ZMYM1: variants seen among roughly 807,000 people sequenced by gnomAD.
ZMYM1 encodes zinc finger MYM-type protein 1.
ZMYM1 carries 39 observed loss-of-function variants against 60.0 expected under a neutral mutation model. The ratio of observed to expected loss-of-function variants is 0.65; its 90% CI spans 0.50 to 0.85. The LOEUF (loss-of-function observed/expected upper bound fraction) is 0.85, where lower values mean the gene tolerates loss of function less well. Ranked by LOEUF, ZMYM1 falls within the 40% of genes least tolerant of loss-of-function variation. The pLI, the probability that ZMYM1 is intolerant of heterozygous loss-of-function variation, is 0.00. For missense variants in ZMYM1, 1,171 were observed against 1,309.5 expected (o/e 0.89, Z 1.63); for synonymous variants, 413 against 454.0 (o/e 0.91, Z 1.15).
chr1:35,095,351 G>A (rs1012303541), intron 2 of ZMYM1, among the ~76,000 whole-genome samples: 2 of 151,724 alleles, frequency 1.3e-5, no homozygotes, highest in African/African-American at 4.8e-5. Context: ...AAAATTAGCC[G>A]GGCATGGAGG....
rs140708468 is a variant in ZMYM1, at chr1:35,087,835, G to T, written c.-74-6079G>T. Among the ~76,000 whole-genome samples the T allele has an allele frequency of 3.2e-3, 481 of 152,112 alleles. 6 individuals carry two copies. The highest frequency in any genetic ancestry group is 0.011 in the African/African-American group (448 of 41,540). On this transcript the variant is annotated intron_variant, in intron 1 of 9. Transcript: ENST00000359858. ...CCCAGCACTTTGGGAGGCTGAGGCC[G>T]GTGGATCATGAGGTCAGTAGTTCAA...
chr1:35,095,925 C>A, intron 3 of ZMYM1, 34 bp downstream of exon 3: 1 of 1,430,284 alleles, frequency 7.0e-7, no homozygotes, highest in South Asian at 1.2e-5. Context: ...TATGTTTATT[C>A]AGACCAATAC....
At chr1:35,072,142 A>G (rs1194490151) in intron 1 of ZMYM1, among the ~76,000 whole-genome samples, 1 of 152,192 alleles carries the variant, frequency 6.6e-6, no homozygotes, top group African/African-American at 2.4e-5. Context: ...GTCAAAAAAT[A>G]AAATAAAATA....
chr1:35,098,529 G>T (rs1201039248), intron 4 of ZMYM1, among the ~76,000 whole-genome samples: 6 of 152,146 alleles, frequency 3.9e-5, no homozygotes. Context: ...TTTGAATTTT[G>T]CTTCTTCTGT....
intron 1 of ZMYM1, among the ~76,000 whole-genome samples, chr1:35,066,291 G>A (rs1480068354): frequency 6.6e-6 from 1 of 152,188 alleles, no homozygotes; most frequent in Non-Finnish European, 1.5e-5. Flanking sequence ...TCCAACTCCT[G>A]GGTTCAAGCA....
chr1:35,081,854 C>A (rs991576955), intron 1 of ZMYM1, among the ~76,000 whole-genome samples: 2 of 152,096 alleles, frequency 1.3e-5, no homozygotes, highest in South Asian at 2.1e-4. Flanking sequence ...CACCACCATG[C>A]CCAGCTAATT....
chr1:35,110,254 A>G (rs773468774), intron 6 of ZMYM1, 40 bp from the exon 7 acceptor site: 5 of 1,365,270 alleles, frequency 3.7e-6, no homozygotes, highest in Admixed American at 5.6e-5. Context: ...ACAACATATC[A>G]TATACCAGGA....
chr1:35,096,318 A>G, intron 3 of ZMYM1, among the ~76,000 whole-genome samples: 1 of 151,284 alleles, frequency 6.6e-6, no homozygotes, highest in East Asian at 1.9e-4. Flanking sequence ...TCTAAAAAAA[A>G]AAAAAAAGAG....
intron 2 of ZMYM1, among the ~76,000 whole-genome samples, chr1:35,094,685 T>C (rs1465486124): frequency 1.3e-5 from 2 of 151,980 alleles, no homozygotes; most frequent in African/African-American, 4.8e-5. Context: ...CTTGTCTCTA[T>C]AAAAAATACA....
At chr1:35,100,151 A>G (rs1257257906) in intron 4 of ZMYM1, among the ~76,000 whole-genome samples, 1 of 151,904 alleles carries the variant, frequency 6.6e-6, no homozygotes, top group Non-Finnish European at 1.5e-5. Context: ...TCGGCCTCCC[A>G]AAGTGCTGGG....
chr1:35,074,899 C>T (rs954223824), upstream of ZMYM1, among the ~76,000 whole-genome samples: 1 of 148,452 alleles, frequency 6.7e-6, no homozygotes, highest in African/African-American at 2.5e-5. Flanking sequence ...CTCCCTCCAT[C>T]GCCCAGGCTG....
chr1:35,099,771 C>G (rs1643539602), intron 4 of ZMYM1, among the ~76,000 whole-genome samples: 1 of 152,110 alleles, frequency 6.6e-6, no homozygotes. Flanking sequence ...CACTATGTTT[C>G]CCAGGCTGAT....
chr1:35,114,608 A>G lies in ZMYM1; in HGVS notation c.2778A>G (p.Lys926=). ...AAATATGTCAAAAAATAACCTGTAA[A>G]GGTTTTAAAGTTGAAAAACCTTCTC... ...TEEICQKITC[K]GFKVEKPSLQ... The change falls in exon 10 of 10, where the codon AAA becomes AAG. Residue 926 remains lysine (K), a synonymous_variant. Coordinates refer to ENST00000359858, the MANE Select transcript of ZMYM1 (RefSeq NM_024772.5). 6.2e-7 allele frequency: 1 copy of G among 1,609,430 alleles called. No individual in the cohort carries two copies. Among genetic ancestry groups the G allele is most frequent in the Non-Finnish European group, 8.5e-7 (1 of 1,178,752 alleles).
chr1:35,082,917 G>T (rs1642466604), intron 1 of ZMYM1, among the ~76,000 whole-genome samples: 1 of 151,990 alleles, frequency 6.6e-6, no homozygotes, highest in Admixed American at 6.5e-5. Context: ...GGAGGTGGAG[G>T]TTGCAGTGAC....
downstream of ZMYM1, among the ~76,000 whole-genome samples, chr1:35,118,241 CAA>C (rs11364403): frequency 1.8e-3 from 183 of 100,116 alleles, no homozygotes; most frequent in Non-Finnish European, 2.2e-3. Flanking sequence ...AACTCCGTCT[CAA>C]AAAAAAAAAA....
chr1:35,075,688 A>G (rs1182975778), upstream of ZMYM1, among the ~76,000 whole-genome samples: 1 of 152,164 alleles, frequency 6.6e-6, no homozygotes, highest in Non-Finnish European at 1.5e-5. Context: ...TAATATATAC[A>G]CCAATTCCAA....
chr1:35,088,062 GA>G (rs896230468), intron 1 of ZMYM1, among the ~76,000 whole-genome samples: 4 of 149,116 alleles, frequency 2.7e-5, no homozygotes, highest in Non-Finnish European at 6.0e-5. Flanking sequence ...TCCATCTCAA[GA>G]AAAAAAAATG....
chr1:35,109,606 C>G (rs183903241), intron 6 of ZMYM1, among the ~76,000 whole-genome samples: 1 of 152,278 alleles, frequency 6.6e-6, no homozygotes, highest in East Asian at 1.9e-4. Context: ...CTTCCTGGCT[C>G]CTCCTCAGCA....
chr1:35,098,419 G>A (rs1481705825), intron 4 of ZMYM1, among the ~76,000 whole-genome samples: 1 of 152,178 alleles, frequency 6.6e-6, no homozygotes, highest in Non-Finnish European at 1.5e-5. Context: ...ATTTTTAAAT[G>A]TTCTTGTTCA....
Sources: gnomAD v4.1 joint callset for allele counts (sites outside exome capture counted in the v4.1 genomes callset) on GRCh38, gnomAD v4.1.1 for gene constraint, MANE v1.5 for transcripts, NCBI Gene and HGNC (gene_info 2026-07-23, HGNC 2026-07-21) for gene names.